The following PAN3 variants were observed in gnomAD, a reference collection of about 807,000 sequenced individuals.
PAN3 encodes the protein poly(A) specific ribonuclease subunit PAN3.
In PAN3, 19 loss-of-function variants were observed where a neutral mutation model predicts 96.2. The observed-to-expected ratio is 0.20, with a 90% CI of 0.14 to 0.29. The LOEUF (loss-of-function observed/expected upper bound fraction) is 0.29, where lower values mean the gene tolerates loss of function less well. Among genes scored for constraint, PAN3 ranks in the 10% least tolerant of loss-of-function variants. PAN3 has a pLI of 1.00. For missense variants in PAN3, 882 were observed against 1,108.1 expected (o/e 0.80, Z 2.90); for synonymous variants, 433 against 406.6 (o/e 1.06, Z -0.78).
chr13:28,176,507 T>C lies in PAN3; in HGVS notation c.567T>C (p.Ser189=). ...KYPLMQRMTN[S]SSSPSLLNDS... ...TTGTTTTTCAGAGAATGACTAATAG[T>C]AGCAGCTCCCCAAGCCTTCTAAATG... The change falls in exon 3 of 19, where the codon AGT becomes AGC. Residue 189 remains serine, a synonymous_variant. Coordinates refer to ENST00000380958, the MANE Select transcript of PAN3 (RefSeq NM_175854.8). The C allele has an allele frequency of 6.2e-7, 1 of 1,613,828 alleles. No individual in the cohort carries two copies. Among genetic ancestry groups the C allele is most frequent in the Non-Finnish European group, 8.5e-7 (1 of 1,179,756 alleles).
chr13:28,144,466 C>T (rs537000598), intron 1 of PAN3, among the ~76,000 whole-genome samples: 3 of 152,052 alleles, frequency 2.0e-5, no homozygotes, highest in East Asian at 1.9e-4. Flanking sequence ...CCACCTGCCT[C>T]GGCCTCCCAA....
At chr13:28,147,349 A>T (rs560614031) in intron 1 of PAN3, among the ~76,000 whole-genome samples, 6 of 152,328 alleles carry the variant, frequency 3.9e-5, no homozygotes, top group Non-Finnish European at 8.8e-5. Context: ...TGACTTTAGG[A>T]TGAGTTTATT....
intron 6 of PAN3, among the ~76,000 whole-genome samples, chr13:28,248,086 GT>G (rs1884378251): frequency 6.6e-6 from 1 of 151,990 alleles, no homozygotes; most frequent in South Asian, 2.1e-4. Context: ...GTCCTCTTCA[GT>G]TTCTTTCATC....
chr13:28,231,589 T>G (rs994435119), intron 6 of PAN3, among the ~76,000 whole-genome samples: 1 of 152,178 alleles, frequency 6.6e-6, no homozygotes, highest in Admixed American at 6.5e-5. Flanking sequence ...TTATATAAAT[T>G]AGTTGATGAA....
At chr13:28,224,172 A>G (rs966665689) in intron 6 of PAN3, among the ~76,000 whole-genome samples, 1 of 152,128 alleles carries the variant, frequency 6.6e-6, no homozygotes, top group Admixed American at 6.5e-5. Context: ...CGCCCGGCCA[A>G]AAAGTAATTT....
At position 28,277,379 on chromosome 13, in the gene PAN3, A is replaced by G. The variant is rs1335665914; in HGVS notation, c.2189+3A>G. On this transcript the variant is annotated splice_donor_region_variant and intron_variant, in intron 15 of 18. Coordinates refer to ENST00000380958, the MANE Select transcript of PAN3 (RefSeq NM_175854.8). ...TCTGACCTGAAGAATCTGATTTTGT[A>G]AGTTTTAATATATGATAAATTGTAC... The G allele has an allele frequency of 3.1e-6, 5 of 1,607,208 alleles. No homozygotes were observed. Among genetic ancestry groups the G allele is most frequent in the Non-Finnish European group, 3.4e-6 (4 of 1,176,734 alleles).
rs143979008 is a variant in PAN3 at position 28,280,478 on chromosome 13, A to C, written c.2256A>C (p.Arg752=). The change falls in exon 16 of 19, where the codon CGA becomes CGC. Residue 752 remains arginine (R), a synonymous_variant. Coordinates refer to ENST00000380958, the MANE Select transcript of PAN3 (RefSeq NM_175854.8). ...VNDIMPMIGA[R]FYTQLDAAQM... ...ACATCATGCCCATGATTGGTGCTCGATTTTATACTCAATTGGATGCTGCTC... is the reference window on the plus strand; with the variant it reads ...ACATCATGCCCATGATTGGTGCTCGCTTTTATACTCAATTGGATGCTGCTC... The C allele has an allele frequency of 1.2e-6, 2 of 1,609,838 alleles. No homozygotes were observed. Among genetic ancestry groups the C allele is most frequent in the Non-Finnish European group, 1.7e-6 (2 of 1,177,674 alleles).
At chr13:28,215,616 T>G in intron 5 of PAN3, 3 of 1,020,822 alleles carry the variant, frequency 2.9e-6, no homozygotes, top group Non-Finnish European at 4.5e-6. Flanking sequence ...CCATGTTGCA[T>G]CCAGGTTTGC....
chr13:28,235,704 C>T (rs914725595), intron 6 of PAN3, among the ~76,000 whole-genome samples: 1 of 149,922 alleles, frequency 6.7e-6, no homozygotes, highest in Non-Finnish European at 1.5e-5. Context: ...CATACACACA[C>T]ACACACACAC....
chr13:28,213,893 T>G (rs1423086242), intron 5 of PAN3, among the ~76,000 whole-genome samples: 1 of 152,132 alleles, frequency 6.6e-6, no homozygotes, highest in African/African-American at 2.4e-5. Context: ...ACTACACACC[T>G]ATTAGAATGT....
chr13:28,245,145 C>T (rs1233723221), intron 6 of PAN3, among the ~76,000 whole-genome samples: 4 of 152,156 alleles, frequency 2.6e-5, no homozygotes, highest in African/African-American at 9.7e-5. Flanking sequence ...ATGTGGCCAG[C>T]CAGCTTGGCT....
chr13:28,145,757 ATT>A lies in PAN3; in HGVS notation c.430+6691_430+6692del, dbSNP rs895808998. On this transcript the variant is annotated intron_variant, in intron 1 of 18. Coordinates refer to ENST00000380958, the MANE Select transcript of PAN3 (RefSeq NM_175854.8). ...AGGTGGAAGCCACCGTGCCAAGCTA[ATT>A]TTTTTTTTTTTTTTTTTTTTGAGAC... is the stretch of plus-strand genomic sequence containing the variant. 6.1e-3 allele frequency among the ~76,000 whole-genome samples: 755 copies of A among 124,372 alleles called. 9 individuals are homozygous for A. The highest frequency in any genetic ancestry group is 0.021 in the African/African-American group (713 of 33,274). 81.6% of individuals were successfully genotyped at this position (124,372 alleles called of 152,430 possible). A position where few individuals can be genotyped will look rare whatever the true frequency, so the allele number is the denominator to read the frequency against.
At chr13:28,232,184 G>A (rs1479676669) in intron 6 of PAN3, among the ~76,000 whole-genome samples, 3 of 152,182 alleles carry the variant, frequency 2.0e-5, no homozygotes, top group South Asian at 2.1e-4. Flanking sequence ...CCCGCAACCC[G>A]GAGGCTGTAA....
At chr13:28,266,643 T>C (rs757187960) in intron 9 of PAN3, 72 bp from the exon 10 acceptor site, 27 of 1,218,228 alleles carry the variant, frequency 2.2e-5, no homozygotes, top group Non-Finnish European at 3.0e-5. Flanking sequence ...GTAAATATCA[T>C]GTCTTCTGTA....
At chr13:28,172,519 A>G (rs1874440732) in intron 1 of PAN3, among the ~76,000 whole-genome samples, 1 of 152,182 alleles carries the variant, frequency 6.6e-6, no homozygotes, top group Non-Finnish European at 1.5e-5. Flanking sequence ...AAAATTTTAA[A>G]CTTTGATAAA....
intron 4 of PAN3, among the ~76,000 whole-genome samples, chr13:28,188,892 A>G (rs1413931862): frequency 6.6e-6 from 1 of 152,234 alleles, no homozygotes; most frequent in East Asian, 1.9e-4. Context: ...TACATTTTTT[A>G]TACAAGTGCT....
At chr13:28,251,428 A>G (rs779961576) in intron 6 of PAN3, among the ~76,000 whole-genome samples, 15 of 152,100 alleles carry the variant, frequency 9.9e-5, no homozygotes, top group Admixed American at 3.3e-4. Flanking sequence ...TGCTTCAGCA[A>G]GGTGTCTGAA....
Position 28,261,409 on chromosome 13 carries a change from C to G in PAN3, c.1362C>G (p.Ile454Met). Residue 454 changes from isoleucine to methionine, a missense_variant, in exon 9 of 19, where the codon ATC becomes ATG. Physicochemically the swap from Ile to Met is conservative, Grantham distance 10 (BLOSUM62 1). This residue lies in a region of PAN3 where 364 missense variants were observed against 513.6 expected (regional missense o/e 0.71). Transcript: ENST00000380958. ...FMADELRQEL[I>M]NRHLITMAQI... ...CTTATTTTGTTTCATAGGAGCTGAT[C>G]AACAGACATTTAATAACAATGGCTC... is the stretch of plus-strand genomic sequence containing the variant. 6.2e-7 allele frequency: 1 copy of G among 1,605,808 alleles called. No homozygotes were observed. The highest frequency in any genetic ancestry group is 8.5e-7 in the Non-Finnish European group (1 of 1,174,962).
chr13:28,227,541 T>C (rs996444363), intron 6 of PAN3, among the ~76,000 whole-genome samples: 1 of 152,204 alleles, frequency 6.6e-6, no homozygotes. Flanking sequence ...CCAGTTCTAC[T>C]GAAGCAGCTA....
Sources: allele counts gnomAD v4.1 joint callset (sites outside exome capture counted in the v4.1 genomes callset), GRCh38; gene constraint gnomAD v4.1.1; regional missense constraint gnomAD v4.1.1; transcripts MANE v1.5; gene names NCBI Gene and HGNC (gene_info 2026-07-23, HGNC 2026-07-21).